Variants in MPZL1 observed in about 807,000 individuals in gnomAD.
The protein encoded by MPZL1 is myelin protein zero like 1.
In MPZL1, 16 loss-of-function variants were observed where a neutral mutation model predicts 29.3. That is an observed-to-expected ratio of 0.55 (90% CI 0.37 to 0.83). The LOEUF is 0.83. Ranked by LOEUF, MPZL1 falls within the 40% of genes least tolerant of loss-of-function variation. The pLI, the probability that MPZL1 is intolerant of heterozygous loss-of-function variation, is 0.00. For missense variants in MPZL1, 279 were observed against 332.9 expected (o/e 0.84, Z 1.26); for synonymous variants, 143 against 132.0 (o/e 1.08, Z -0.57).
At position 167,791,325 on chromosome 1, in the gene MPZL1, A is replaced by G. The variant is rs553578038; in HGVS notation, c.*3404A>G. The G allele has an allele frequency of 4.6e-5, 7 of 152,334 alleles. No individual in the cohort carries two copies. Among genetic ancestry groups the G allele is most frequent in the South Asian group, 2.1e-4 (1 of 4,820 alleles). The allele number at this position is 152,334 out of a possible 1,614,324, so 9.4% of individuals were successfully genotyped here. On this transcript the variant is annotated 3_prime_UTR_variant, in exon 6 of 6. Coordinates refer to ENST00000359523, the MANE Select transcript of MPZL1 (RefSeq NM_003953.6). ...GGTGGAAGCATTCATCCATTCAGCAACCTACACTGAGAACAATCCTGTGCC... is the reference window on the plus strand; with the variant it reads ...GGTGGAAGCATTCATCCATTCAGCAGCCTACACTGAGAACAATCCTGTGCC...
At chr1:167,739,365 T>C (rs1324581785) in intron 1 of MPZL1, among the ~76,000 whole-genome samples, 1 of 149,098 alleles carries the variant, frequency 6.7e-6, no homozygotes, top group Non-Finnish European at 1.5e-5. Context: ...AGTATGAATC[T>C]CTGCCAAGGC....
intron 3 of MPZL1, among the ~76,000 whole-genome samples, chr1:167,772,779 A>C (rs986565402): frequency 1.2e-4 from 19 of 152,206 alleles, no homozygotes; most frequent in African/African-American, 4.1e-4. Flanking sequence ...AGAAAGACCA[A>C]ATTCATTATG....
In MPZL1 at chr1:167,741,651, A is replaced by G. The variant is rs550176191; in HGVS notation, c.91+19409A>G. On this transcript the variant is annotated intron_variant, in intron 1 of 5. Coordinates refer to ENST00000359523, the MANE Select transcript of MPZL1 (RefSeq NM_003953.6). ...GCAGTCACTTCTTAACTGCTTTCCC[A>G]ATTTCAGTCCGTATTCCCCTCCACT... 1.9e-4 allele frequency among the ~76,000 whole-genome samples: 29 copies of G among 152,036 alleles called. 2 individuals carry two copies. The highest frequency in any genetic ancestry group is 1.4e-3 in the Admixed American group (21 of 15,254).
chr1:167,762,493 G>T (rs1661009754), intron 1 of MPZL1, among the ~76,000 whole-genome samples: 1 of 152,180 alleles, frequency 6.6e-6, no homozygotes, highest in African/African-American at 2.4e-5. Context: ...CGGGAGTGAG[G>T]TACAGAAACA....
chr1:167,730,933 G>A (rs189657216), intron 1 of MPZL1, among the ~76,000 whole-genome samples: 1 of 152,298 alleles, frequency 6.6e-6, no homozygotes, highest in Non-Finnish European at 1.5e-5. Flanking sequence ...TGGAGGTCTA[G>A]CACTTGTCTG....
chr1:167,765,425 T>G lies in MPZL1; in HGVS notation c.92-158T>G, dbSNP rs75324135. On this transcript the variant is annotated intron_variant, in intron 1 of 5. Transcript: ENST00000359523. ...ATTCTGTTTATAGTGCTATTCTGAT[T>G]GAACTTAGCTGTAGAATATTCTGCC... 1,618 of 519,750 alleles carry G rather than the reference T, an allele frequency of 3.1e-3. 19 individuals are homozygous for G. The highest frequency in any genetic ancestry group is 0.028 in the African/African-American group (1,416 of 50,842). The allele number at this position is 519,750 out of a possible 1,614,324, so 32.2% of individuals were successfully genotyped here. A position where few individuals can be genotyped will look rare whatever the true frequency, so the allele number is the denominator to read the frequency against.
intron 1 of MPZL1, among the ~76,000 whole-genome samples, chr1:167,734,653 T>G (rs914309311): frequency 2.0e-5 from 3 of 152,182 alleles, no homozygotes; most frequent in Admixed American, 6.5e-5. Flanking sequence ...TTTAGGAGCC[T>G]CCTGAGACTT....
chr1:167,747,314 A>G (rs1660666882), intron 1 of MPZL1, among the ~76,000 whole-genome samples: 1 of 152,172 alleles, frequency 6.6e-6, no homozygotes, highest in South Asian at 2.1e-4. Context: ...TCAACTATCC[A>G]GGCTCAGGCA....
chr1:167,734,663 TAAGTC>T (rs1294210384), intron 1 of MPZL1, among the ~76,000 whole-genome samples: 1 of 152,186 alleles, frequency 6.6e-6, no homozygotes, highest in South Asian at 2.1e-4. Context: ...TCCTGAGACT[TAAGTC>T]TAGTTATAGA....
chr1:167,744,216 A>G (rs554872170), intron 1 of MPZL1, among the ~76,000 whole-genome samples: 1 of 152,242 alleles, frequency 6.6e-6, no homozygotes, highest in South Asian at 2.1e-4. Context: ...AAGGTCCCAC[A>G]TCACTCTTTC....
At chr1:167,758,131 G>A (rs1195526474) in intron 1 of MPZL1, among the ~76,000 whole-genome samples, 2 of 150,566 alleles carry the variant, frequency 1.3e-5, no homozygotes, top group Non-Finnish European at 2.9e-5. Context: ...TCCAGCCTGG[G>A]CAACAGAGCA....
At chr1:167,752,490 A>G (rs1660778617) in intron 1 of MPZL1, among the ~76,000 whole-genome samples, 1 of 152,212 alleles carries the variant, frequency 6.6e-6, no homozygotes, top group African/African-American at 2.4e-5. Context: ...TTCCATGTAC[A>G]GTATCTAATG....
At chr1:167,753,205 G>A (rs1660792313) in intron 1 of MPZL1, among the ~76,000 whole-genome samples, 1 of 152,204 alleles carries the variant, frequency 6.6e-6, no homozygotes, top group Non-Finnish European at 1.5e-5. Context: ...CTTGTTCCAA[G>A]CTGTGTGAGT....
chr1:167,757,481 G>T (rs1660891696), intron 1 of MPZL1, among the ~76,000 whole-genome samples: 2 of 152,042 alleles, frequency 1.3e-5, no homozygotes, highest in Non-Finnish European at 2.9e-5. Context: ...TATTAAAATG[G>T]GCACCCATGT....
rs114305049 is a variant in MPZL1, at chr1:167,769,171, G to A, written c.259-3104G>A. On this transcript the variant is annotated intron_variant, in intron 2 of 5. Coordinates refer to ENST00000359523, the MANE Select transcript of MPZL1 (RefSeq NM_003953.6). ...CTCACCTTGCAGGGTGGTTGTGAGG[G>A]CTAGAGAGTTGTTGGGAGACAGTTT... Among the ~76,000 whole-genome samples, 591 of 152,256 alleles carry A rather than the reference G, an allele frequency of 3.9e-3. 9 individuals carry two copies. Among genetic ancestry groups the A allele is most frequent in the African/African-American group, 0.014 (565 of 41,550 alleles).
At chr1:167,723,534 A>G (rs1198099918) in intron 1 of MPZL1, among the ~76,000 whole-genome samples, 1 of 152,260 alleles carries the variant, frequency 6.6e-6, no homozygotes, top group Non-Finnish European at 1.5e-5. Flanking sequence ...TGTTTAATCA[A>G]ACAAGTAGAA....
intron 4 of MPZL1, among the ~76,000 whole-genome samples, chr1:167,774,316 G>A (rs1468402137): frequency 1.3e-5 from 2 of 152,196 alleles, no homozygotes; most frequent in South Asian, 2.1e-4. Flanking sequence ...CAGATGCACA[G>A]ATCTAACTTT....
At chr1:167,786,507 C>G (rs1661595746) in intron 5 of MPZL1, among the ~76,000 whole-genome samples, 1 of 152,198 alleles carries the variant, frequency 6.6e-6, no homozygotes, top group Non-Finnish European at 1.5e-5. Context: ...GACCAGTGCT[C>G]TTCTCTAAGG....
chr1:167,745,833 T>C (rs909391831), intron 1 of MPZL1, among the ~76,000 whole-genome samples: 10 of 152,082 alleles, frequency 6.6e-5, no homozygotes, highest in African/African-American at 2.4e-4. Flanking sequence ...GGTTAACTGA[T>C]AGTTGGAAGA....
Sources: allele counts gnomAD v4.1 joint callset (sites outside exome capture counted in the v4.1 genomes callset), GRCh38; gene constraint gnomAD v4.1.1; transcripts MANE v1.5; gene names NCBI Gene and HGNC (gene_info 2026-07-23, HGNC 2026-07-21).